The following COL4A5 variants were observed in gnomAD, a reference collection of about 807,000 sequenced individuals.
COL4A5 encodes the protein collagen alpha-5(IV) chain.
Under a neutral mutation model 130.2 loss-of-function variants are expected in COL4A5, and 26 were observed. The ratio of observed to expected loss-of-function variants is 0.20; its 90% confidence interval spans 0.15 to 0.28. The LOEUF (loss-of-function observed/expected upper bound fraction) is 0.28. Among genes scored for constraint, COL4A5 ranks in the 10% least tolerant of loss-of-function variants. COL4A5 has a pLI of 1.00. For missense variants in COL4A5, 1,131 were observed against 1,344.3 expected, an observed-to-expected ratio of 0.84 and a Z score of 2.48; for synonymous variants, 496 against 439.6, an observed-to-expected ratio of 1.13 and a Z score of -1.60.
chrX:108,449,867 T>C (rs1445519007), intron 1 of COL4A5, among the ~76,000 whole-genome samples: 1 of 112,256 alleles, frequency 8.9e-6, no homozygotes, highest in Non-Finnish European at 1.9e-5. Flanking sequence ...ACCTTGAAGA[T>C]TATAATTTTA....
chrX:108,556,409 A>G (rs1237729964), intron 2 of COL4A5, among the ~76,000 whole-genome samples: 1 of 111,256 alleles, frequency 9.0e-6, no homozygotes, highest in African/African-American at 3.3e-5. Context: ...GTTTTTTAGT[A>G]AAAAGAGTTG....
chrX:108,458,317 A>G (rs2064604185), intron 1 of COL4A5, among the ~76,000 whole-genome samples: 1 of 111,630 alleles, frequency 9.0e-6, no homozygotes, highest in Non-Finnish European at 1.9e-5. Flanking sequence ...TCCCTTCCCC[A>G]TTAAATTACC....
At chrX:108,470,369 G>A (rs1371803978) in intron 1 of COL4A5, among the ~76,000 whole-genome samples, 1 of 111,968 alleles carries the variant, frequency 8.9e-6, no homozygotes, top group East Asian at 2.8e-4. Context: ...ATATCATTGT[G>A]GTTTTGATTT....
At chrX:108,510,312 T>A (rs1321377182) in intron 1 of COL4A5, among the ~76,000 whole-genome samples, 2 of 111,588 alleles carry the variant, frequency 1.8e-5, no homozygotes, top group Non-Finnish European at 3.8e-5. Context: ...AAAATAAAAG[T>A]TAAAATAATA....
intron 1 of COL4A5, among the ~76,000 whole-genome samples, chrX:108,474,025 T>C (rs2064808695): frequency 9.0e-6 from 1 of 111,354 alleles, no homozygotes; most frequent in Non-Finnish European, 1.9e-5. Flanking sequence ...TTCTAAAAAG[T>C]TTATAAAGAC....
chrX:108,660,403 C>T (rs1353065195), intron 37 of COL4A5, among the ~76,000 whole-genome samples: 2 of 111,659 alleles, frequency 1.8e-5, no homozygotes, highest in African/African-American at 6.5e-5. Flanking sequence ...CTTCCACCGT[C>T]ATTTATTGTA....
chrX:108,539,724 TC>T, intron 1 of COL4A5, 21 bp from the exon 2 acceptor site: 1 of 1,192,253 alleles, frequency 8.4e-7, no homozygotes, highest in Non-Finnish European at 1.1e-6. Flanking sequence ...AATGATTTTT[TC>T]CCTCTTTCTC....
At chrX:108,457,599 G>A (rs2064596621) in intron 1 of COL4A5, among the ~76,000 whole-genome samples, 1 of 111,232 alleles carries the variant, frequency 9.0e-6, no homozygotes. Flanking sequence ...TTTATATTGA[G>A]TAAAATTCGC....
chrX:108,499,053 G>T (rs368756898), intron 1 of COL4A5, among the ~76,000 whole-genome samples: 1 of 111,150 alleles, frequency 9.0e-6, no homozygotes, highest in Non-Finnish European at 1.9e-5. Flanking sequence ...GATGAGATAA[G>T]ATATTTTTGT....
chrX:108,687,106 T>TTC (rs1174577234), intron 48 of COL4A5, among the ~76,000 whole-genome samples: 1 of 112,325 alleles, frequency 8.9e-6, no homozygotes, highest in Admixed American at 9.4e-5. Context: ...GCCCTGCCTG[T>TTC]TCTCTACACA....
chrX:108,557,140 C>T (rs762373675), intron 2 of COL4A5, among the ~76,000 whole-genome samples: 4 of 110,603 alleles, frequency 3.6e-5, no homozygotes, highest in Non-Finnish European at 7.6e-5. Flanking sequence ...CTGTAAATAC[C>T]AGCTGAGATC....
intron 15 of COL4A5, 33 bp downstream of exon 15, chrX:108,580,771 A>G: frequency 8.7e-7 from 1 of 1,153,434 alleles, no homozygotes; most frequent in Non-Finnish European, 1.2e-6. Flanking sequence ...TTCTTTGCAA[A>G]AAAATTCTAA....
chrX:108,442,417 TAAGAG>T (rs2064411644), intron 1 of COL4A5, among the ~76,000 whole-genome samples: 1 of 111,780 alleles, frequency 8.9e-6, no homozygotes, highest in South Asian at 3.7e-4. Context: ...AGGTTAGTAA[TAAGAG>T]AAGACAGTTT....
intron 49 of COL4A5, among the ~76,000 whole-genome samples, chrX:108,691,180 G>C (rs1305664614): frequency 9.0e-6 from 1 of 110,810 alleles, no homozygotes; most frequent in Non-Finnish European, 1.9e-5. Context: ...TGGGGAATGG[G>C]GAGGATGAAG....
At chrX:108,640,279 G>A (rs1276114699) in intron 36 of COL4A5, among the ~76,000 whole-genome samples, 1 of 111,510 alleles carries the variant, frequency 9.0e-6, no homozygotes, top group Non-Finnish European at 1.9e-5. Context: ...AGTGAAATAA[G>A]CCAGTTATAA....
At chrX:108,501,569 T>C (rs2065079570) in intron 1 of COL4A5, among the ~76,000 whole-genome samples, 1 of 112,035 alleles carries the variant, frequency 8.9e-6, no homozygotes, top group Admixed American at 9.5e-5. Context: ...TCATTTCCTT[T>C]GCTCATTATT....
At chrX:108,569,106 A>G (rs2066020080) in intron 6 of COL4A5, 2 of 243,612 alleles carry the variant, frequency 8.2e-6, no homozygotes, top group Non-Finnish European at 1.5e-5. Context: ...ATTAGGATAT[A>G]TATGTTTCAA....
intron 1 of COL4A5, among the ~76,000 whole-genome samples, chrX:108,520,814 GT>G (rs1156787625): frequency 4.5e-5 from 5 of 111,524 alleles, no homozygotes; most frequent in Non-Finnish European, 9.4e-5. Context: ...TCTCTAGAAT[GT>G]TTCTCAATGT....
At chrX:108,543,487 A>T (rs2065585308) in intron 2 of COL4A5, among the ~76,000 whole-genome samples, 1 of 111,667 alleles carries the variant, frequency 9.0e-6, no homozygotes, top group Non-Finnish European at 1.9e-5. Context: ...TGGTACCAGT[A>T]CCATGCTGTT....
Sources: allele counts gnomAD v4.1 joint callset (sites outside exome capture counted in the v4.1 genomes callset), GRCh38; gene constraint gnomAD v4.1.1; transcripts MANE v1.5; gene names NCBI Gene and HGNC (gene_info 2026-07-23, HGNC 2026-07-21).